The following ST3GAL1 variants were observed in gnomAD, a reference collection of about 807,000 sequenced individuals.
The protein encoded by ST3GAL1 is CMP-N-acetylneuraminate-beta-galactosamide-alpha-2,3-sialyltransferase 1.
A neutral mutation model predicts 34.1 loss-of-function variants in ST3GAL1; 16 were observed. The ratio of observed to expected loss-of-function variants is 0.47; its 90% CI spans 0.32 to 0.71. ST3GAL1 has a LOEUF of 0.71. Among genes scored for constraint, ST3GAL1 ranks in the 30% least tolerant of loss-of-function variants. The pLI is 0.04. For synonymous variants in ST3GAL1, 191 were observed against 184.7 expected (o/e 1.03, Z -0.28); for missense variants, 353 against 447.4 (o/e 0.79, Z 1.90).
chr8:133,480,207 GA>G (rs1453110949), intron 3 of ST3GAL1, among the ~76,000 whole-genome samples: 3 of 152,342 alleles, frequency 2.0e-5, no homozygotes, highest in African/African-American at 7.2e-5. Context: ...GCACACAACA[GA>G]GCTTAGCGGG....
chr8:133,507,614 A>G (rs1817385057), intron 2 of ST3GAL1, among the ~76,000 whole-genome samples: 1 of 152,246 alleles, frequency 6.6e-6, no homozygotes, highest in Admixed American at 6.5e-5. Flanking sequence ...GGCACATTGT[A>G]GGGACATGAA....
intron 2 of ST3GAL1, among the ~76,000 whole-genome samples, chr8:133,525,157 C>G (rs1382332131): frequency 1.3e-5 from 2 of 152,258 alleles, no homozygotes; most frequent in East Asian, 3.8e-4. Flanking sequence ...AGTGACAGAA[C>G]AGCTTTCAGG....
At chr8:133,497,557 G>A (rs1415398516) in intron 3 of ST3GAL1, among the ~76,000 whole-genome samples, 3 of 139,252 alleles carry the variant, frequency 2.2e-5, no homozygotes, top group African/African-American at 5.4e-5. Flanking sequence ...TGCAACCTCC[G>A]TGCCTCCTGG....
Position 133,466,766 on chromosome 8 carries a change from G to C in ST3GAL1, c.307-676C>G, listed in dbSNP as rs568827931. Among the ~76,000 whole-genome samples, 33 of 152,316 alleles carry C rather than the reference G, an allele frequency of 2.2e-4. No individual in the cohort carries two copies. Among genetic ancestry groups the C allele is most frequent in the South Asian group, 8.3e-4 (4 of 4,832 alleles). On this transcript the variant is annotated intron_variant, in intron 5 of 9. Transcript: ENST00000522652. The surrounding 1 kb of genome is among the most constrained non-coding windows in gnomAD (Gnocchi z 4.4). ...ATCAGCAGTTTGCTGGATGCACAAG[G>C]CTTCTGCGATCTGCCTAGCAAATTG...
chr8:133,492,218 C>G (rs557388826), intron 3 of ST3GAL1, among the ~76,000 whole-genome samples: 1 of 152,028 alleles, frequency 6.6e-6, no homozygotes, highest in African/African-American at 2.4e-5. Flanking sequence ...GGTCAGGAGG[C>G]GTGGACCATG....
In ST3GAL1 at chr8:133,541,116, T is replaced by TAGAGAG. The variant is rs1287760256; in HGVS notation, c.-429+4657_-429+4658insCTCTCT. 9.8e-3 allele frequency among the ~76,000 whole-genome samples: 475 copies of TAGAGAG among 48,476 alleles called. 45 individuals carry two copies. The highest frequency in any genetic ancestry group is 0.038 in the Middle Eastern group (2 of 52). The allele number at this position is 48,476 out of a possible 152,430, so 31.8% of individuals were successfully genotyped here. A position where few individuals can be genotyped will look rare whatever the true frequency, so the allele number is the denominator to read the frequency against. Reference sequence around the variant, plus strand: ...ATAAACATATATATATATATATATATATATAGAGAGAGAGAGAGAGAGAGA... The same window carrying TAGAGAG: ...ATAAACATATATATATATATATATATAGAGAGATATAGAGAGAGAGAGAGAGAGAGA... On this transcript the variant is annotated intron_variant, in intron 2 of 9. Coordinates refer to ENST00000522652, the MANE Select transcript of ST3GAL1 (RefSeq NM_173344.3).
chr8:133,490,055 G>C (rs1160614101), intron 3 of ST3GAL1, among the ~76,000 whole-genome samples: 3 of 152,128 alleles, frequency 2.0e-5, no homozygotes, highest in Non-Finnish European at 4.4e-5. Flanking sequence ...GTGGATGCCT[G>C]GCGAAAGTCC....
intron 6 of ST3GAL1, 151 bp downstream of exon 6, chr8:133,465,743 C>T (rs982329505): frequency 1.3e-6 from 1 of 758,684 alleles, no homozygotes; most frequent in Non-Finnish European, 2.1e-6. Context: ...AGCTGAGGCC[C>T]AGGGGGTGCA....
intron 2 of ST3GAL1, among the ~76,000 whole-genome samples, chr8:133,526,821 G>A (rs1262518245): frequency 6.6e-6 from 1 of 152,034 alleles, no homozygotes; most frequent in Non-Finnish European, 1.5e-5. Flanking sequence ...GTTGTTCCTG[G>A]GGCAGAGTGG....
chr8:133,481,647 C>T (rs926941671), intron 3 of ST3GAL1, among the ~76,000 whole-genome samples: 2 of 152,136 alleles, frequency 1.3e-5, no homozygotes, highest in African/African-American at 4.8e-5. Flanking sequence ...GGGCACATGC[C>T]ACCATGCCTG....
chr8:133,569,444 T>C (rs1242014592), intron 1 of ST3GAL1, among the ~76,000 whole-genome samples: 1 of 152,208 alleles, frequency 6.6e-6, no homozygotes. Context: ...CTCGCAATTA[T>C]GCAGAACGTA....
chr8:133,563,900 T>A (rs897416622), intron 1 of ST3GAL1, among the ~76,000 whole-genome samples: 67 of 152,064 alleles, frequency 4.4e-4, no homozygotes, highest in African/African-American at 1.4e-3. Context: ...CGTGTAAGGC[T>A]GTCATCAAGG....
At chr8:133,507,259 A>T (rs1340200845) in intron 2 of ST3GAL1, among the ~76,000 whole-genome samples, 5 of 152,252 alleles carry the variant, frequency 3.3e-5, no homozygotes, top group Non-Finnish European at 7.3e-5. Context: ...AGGAAACCAC[A>T]GGATAAGGTT....
At chr8:133,538,236 C>T (rs1419145802) in intron 2 of ST3GAL1, among the ~76,000 whole-genome samples, 1 of 152,218 alleles carries the variant, frequency 6.6e-6, no homozygotes, top group Non-Finnish European at 1.5e-5. Flanking sequence ...ACTGAATGGC[C>T]GGGCATGGTG....
intron 2 of ST3GAL1, among the ~76,000 whole-genome samples, chr8:133,516,620 G>A (rs1817656244): frequency 6.6e-6 from 1 of 152,186 alleles, no homozygotes; most frequent in African/African-American, 2.4e-5. Flanking sequence ...TTCTTTAGCT[G>A]TTTTCTTGGC....
chr8:133,549,180 C>G (rs575060776), intron 1 of ST3GAL1, among the ~76,000 whole-genome samples: 1 of 152,106 alleles, frequency 6.6e-6, no homozygotes, highest in African/African-American at 2.4e-5. Context: ...GTGGGTGGAT[C>G]ACCTGAGGTT....
chr8:133,485,059 C>T (rs1188823287), intron 3 of ST3GAL1, among the ~76,000 whole-genome samples: 1 of 152,220 alleles, frequency 6.6e-6, no homozygotes, highest in Non-Finnish European at 1.5e-5. Context: ...ATCCTGCCTG[C>T]ATTCGAGGGT....
intron 1 of ST3GAL1, among the ~76,000 whole-genome samples, chr8:133,553,280 C>T (rs961458147): frequency 2.6e-5 from 4 of 152,186 alleles, no homozygotes; most frequent in Admixed American, 2.6e-4. Context: ...CTCTCTCCAC[C>T]TTCAACCCCA....
intron 2 of ST3GAL1, among the ~76,000 whole-genome samples, chr8:133,523,665 A>G (rs1817876025): frequency 6.6e-6 from 1 of 152,234 alleles, no homozygotes; most frequent in Non-Finnish European, 1.5e-5. Context: ...GCAAGAGGTC[A>G]GCACCATTCC....
Sources: allele counts gnomAD v4.1 joint callset (sites outside exome capture counted in the v4.1 genomes callset), GRCh38; gene constraint gnomAD v4.1.1; non-coding constraint Gnocchi (gnomAD v3.1); transcripts MANE v1.5; gene names NCBI Gene and HGNC (gene_info 2026-07-23, HGNC 2026-07-21).